The following CCDC102B variants were observed in gnomAD, a reference collection of about 807,000 sequenced individuals.
CCDC102B encodes coiled-coil domain containing 102B, also known as coiled-coil domain-containing protein 102B.
CCDC102B carries 75 observed loss-of-function variants against 57.4 expected under a neutral mutation model. The observed-to-expected ratio is 1.31, with a 90% CI of 1.08 to 1.58. CCDC102B has a LOEUF of 1.58. CCDC102B is among the 40% of genes most tolerant of loss of function. The pLI is 0.00. For missense variants in CCDC102B, 636 were observed against 582.6 expected (o/e 1.09, Z -0.94); for synonymous variants, 206 against 201.9 (o/e 1.02, Z -0.17).
intron 6 of CCDC102B, among the ~76,000 whole-genome samples, chr18:69,005,044 T>C (rs1261228335): frequency 6.6e-6 from 1 of 152,208 alleles, no homozygotes; most frequent in Admixed American, 6.5e-5. Flanking sequence ...CTGTATTTTC[T>C]GAGGTAAGAA....
At chr18:68,927,971 C>A (rs2041533791) in intron 6 of CCDC102B, among the ~76,000 whole-genome samples, 3 of 151,864 alleles carry the variant, frequency 2.0e-5, no homozygotes, top group Non-Finnish European at 1.5e-5. Flanking sequence ...AAACGTTTAA[C>A]TTACAGACAC....
chr18:68,904,098 C>G (rs1849516939), intron 6 of CCDC102B, among the ~76,000 whole-genome samples: 2 of 130,836 alleles, frequency 1.5e-5, no homozygotes, highest in South Asian at 5.4e-4. Context: ...TAAGAATACA[C>G]AATTACAGTT....
At chr18:68,717,790 T>A (rs1285248215) in intron 2 of CCDC102B, among the ~76,000 whole-genome samples, 8 of 152,232 alleles carry the variant, frequency 5.3e-5, no homozygotes, top group Non-Finnish European at 8.8e-5. Flanking sequence ...TGTGTATATA[T>A]ATACCTTGTA....
intron 7 of CCDC102B, among the ~76,000 whole-genome samples, chr18:69,037,028 TACACACAC>T (rs3059238): frequency 2.8e-4 from 42 of 150,042 alleles, no homozygotes; most frequent in Middle Eastern, 3.4e-3. Flanking sequence ...GGTGTATATA[TACACACAC>T]ACACACACAC....
At chr18:68,905,763 T>C (rs974609675) in intron 6 of CCDC102B, among the ~76,000 whole-genome samples, 2 of 150,198 alleles carry the variant, frequency 1.3e-5, no homozygotes, top group African/African-American at 2.5e-5. Context: ...AATCATGTGA[T>C]ATATAATCTT....
intron 2 of CCDC102B, among the ~76,000 whole-genome samples, chr18:68,751,034 G>T (rs573418108): frequency 1.3e-5 from 2 of 151,982 alleles, no homozygotes; most frequent in Middle Eastern, 3.4e-3. Context: ...GGCAAATAAT[G>T]ACCTAGAAAT....
intron 7 of CCDC102B, among the ~76,000 whole-genome samples, chr18:69,038,670 C>A (rs1217290585): frequency 6.6e-6 from 1 of 151,892 alleles, no homozygotes; most frequent in Non-Finnish European, 1.5e-5. Flanking sequence ...TCACATATTT[C>A]ATATCCATCT....
At chr18:68,791,981 G>T (rs971879033) in intron 2 of CCDC102B, among the ~76,000 whole-genome samples, 6 of 152,134 alleles carry the variant, frequency 3.9e-5, no homozygotes, top group Admixed American at 2.0e-4. Flanking sequence ...GCTACTGGTA[G>T]CTAGTAGGTG....
chr18:69,056,838 T>TAA (rs1384602618), downstream of CCDC102B, among the ~76,000 whole-genome samples: 1 of 152,024 alleles, frequency 6.6e-6, no homozygotes, highest in Non-Finnish European at 1.5e-5. Context: ...TAGCCAGTGT[T>TAA]ACGCTACCAT....
At chr18:68,760,420 C>T (rs552150741) in intron 2 of CCDC102B, among the ~76,000 whole-genome samples, 2 of 151,990 alleles carry the variant, frequency 1.3e-5, no homozygotes, top group South Asian at 2.1e-4. Flanking sequence ...TAAACCTGCT[C>T]CTAAAGAGGA....
chr18:68,888,683 T>C (rs1207209020), intron 5 of CCDC102B, among the ~76,000 whole-genome samples: 1 of 152,160 alleles, frequency 6.6e-6, no homozygotes, highest in Non-Finnish European at 1.5e-5. Context: ...AACATATTTT[T>C]AGTAAGAATA....
chr18:68,845,390 G>C (rs960407544), intron 3 of CCDC102B, among the ~76,000 whole-genome samples: 1 of 151,656 alleles, frequency 6.6e-6, no homozygotes, highest in Admixed American at 6.6e-5. Flanking sequence ...CAAAATCTCA[G>C]TGTCATATAA....
rs961445558 is a variant in CCDC102B at position 68,761,706 on chromosome 18, C to T, written c.-67+45112C>T. ...TTCCTTTAAACAATACTTTGTGTTA[C>T]AGCTTTTTATAAGTGTTTTAAAAGT... On this transcript the variant is annotated intron_variant, in intron 2 of 3. Transcript: ENST00000578970. Among the ~76,000 whole-genome samples, 7 of 151,962 alleles carry T rather than the reference C, an allele frequency of 4.6e-5. 1 individual carries two copies. Among genetic ancestry groups the T allele is most frequent in the Admixed American group, 3.9e-4 (6 of 15,230 alleles).
At chr18:68,918,564 A>G (rs1336640047) in intron 6 of CCDC102B, among the ~76,000 whole-genome samples, 2 of 152,200 alleles carry the variant, frequency 1.3e-5, no homozygotes, top group Admixed American at 6.5e-5. Context: ...TAAACCTGCA[A>G]AAGTATAGAT....
At chr18:68,942,415 C>G (rs1190872074) in intron 6 of CCDC102B, among the ~76,000 whole-genome samples, 3 of 151,968 alleles carry the variant, frequency 2.0e-5, no homozygotes, top group African/African-American at 7.2e-5. Context: ...GGACCCACGC[C>G]GGCCCAGTCT....
At chr18:68,769,796 A>T (rs2034581951) in intron 2 of CCDC102B, among the ~76,000 whole-genome samples, 1 of 152,234 alleles carries the variant, frequency 6.6e-6, no homozygotes, top group Non-Finnish European at 1.5e-5. Context: ...CTGAGGCTGT[A>T]GAGATAGAAT....
intron 4 of CCDC102B, among the ~76,000 whole-genome samples, chr18:68,871,601 T>G (rs2144920395): frequency 6.6e-6 from 1 of 152,222 alleles, no homozygotes; most frequent in African/African-American, 2.4e-5. Context: ...TTTAATGGCT[T>G]TAGTTGTATA....
chr18:68,758,284 A>T (rs1021002363), intron 2 of CCDC102B, among the ~76,000 whole-genome samples: 16 of 151,666 alleles, frequency 1.1e-4, no homozygotes, highest in African/African-American at 3.9e-4. Context: ...ACATATGTAT[A>T]TATATGTTAT....
chr18:69,015,935 A>G (rs997690613), intron 7 of CCDC102B, among the ~76,000 whole-genome samples: 21 of 151,688 alleles, frequency 1.4e-4, no homozygotes, highest in African/African-American at 5.1e-4. Flanking sequence ...GCTCACTGCA[A>G]GCTCTGCCAC....
Sources: gnomAD v4.1 joint callset for allele counts (sites outside exome capture counted in the v4.1 genomes callset) on GRCh38, gnomAD v4.1.1 for gene constraint, MANE v1.5 for transcripts, NCBI Gene and HGNC (gene_info 2026-07-23, HGNC 2026-07-21) for gene names.